Variants in MAST1 observed in about 807,000 individuals in gnomAD.
MAST1 encodes microtubule associated serine/threonine kinase 1.
MAST1 carries 40 observed loss-of-function variants against 124.6 expected under a neutral mutation model. The observed-to-expected ratio is 0.32, with a 90% CI of 0.25 to 0.42. The LOEUF is 0.42. MAST1 is among the 10% of genes least tolerant of loss of function. MAST1 has a pLI of 1.00. For missense variants in MAST1, 1,558 were observed against 2,181.9 expected, an observed-to-expected ratio of 0.71 and a Z score of 5.70; for synonymous variants, 938 against 939.4, an observed-to-expected ratio of 1.00 and a Z score of 0.03.
Position 12,868,665 on chromosome 19 carries a change from C to T in MAST1, c.2589C>T (p.Asp863=), listed in dbSNP as rs912105998. The change falls in exon 21 of 26, where the codon GAC becomes GAT. Residue 863 remains aspartate, a synonymous_variant. Transcript: ENST00000251472. ...SEATDRPRPG[D]LCPPSKDGDA... is the part of the protein sequence containing the mutation. The stretch of plus-strand genomic sequence containing the variant: ...CAGCTGACCGTCCACGCCCAGGTGA[C>T]CTCTGCCCACCCTCGAAGGATGGGG... 1.2e-6 allele frequency: 2 copies of T among 1,603,798 alleles called. No homozygotes were observed. Among genetic ancestry groups the T allele is most frequent in the Non-Finnish European group, 8.5e-7 (1 of 1,173,546 alleles).
At chr19:12,860,779 T>C (rs1970071731) in intron 12 of MAST1, among the ~76,000 whole-genome samples, 1 of 152,044 alleles carries the variant, frequency 6.6e-6, no homozygotes, top group Non-Finnish European at 1.5e-5. Flanking sequence ...CGTGCATGTA[T>C]TCACCCAAAT....
In MAST1 at chr19:12,847,207, C is replaced by T. The variant is rs1418859901; in HGVS notation, c.328-83C>T. 5 of 862,722 alleles carry T rather than the reference C, an allele frequency of 5.8e-6. No individual in the cohort carries two copies. Among genetic ancestry groups the T allele is most frequent in the Non-Finnish European group, 5.6e-6 (3 of 539,946 alleles). The allele number at this position is 862,722 out of a possible 1,614,324, so 53.4% of individuals were successfully genotyped here. A position where few individuals can be genotyped will look rare whatever the true frequency, so the allele number is the denominator to read the frequency against. On this transcript the variant is annotated intron_variant, in intron 4 of 25. Transcript: ENST00000251472. The surrounding 1 kb of genome is among the most constrained non-coding windows in gnomAD (Gnocchi z 5.5). ...TCCTGGCCTTGCCCAGTGACCCCAT[C>T]GGCTTTGGGAGTCCCAGCTCAGGGT...
chr19:12,850,080 G>T (rs1969943027), intron 7 of MAST1, among the ~76,000 whole-genome samples: 1 of 152,020 alleles, frequency 6.6e-6, no homozygotes, highest in African/African-American at 2.4e-5. Context: ...TTACAGGTGT[G>T]AGCCACCATG....
intron 12 of MAST1, among the ~76,000 whole-genome samples, chr19:12,863,158 CAAAAAAAAAAA>C (rs749539925): frequency 2.3e-5 from 1 of 44,120 alleles, no homozygotes; most frequent in African/African-American, 8.2e-5. Flanking sequence ...GACTCTGACT[CAAAAAAAAAAA>C]AAAAAAAAAA....
intron 10 of MAST1, among the ~76,000 whole-genome samples, chr19:12,852,621 C>T (rs1236974404): frequency 1.3e-5 from 2 of 151,678 alleles, no homozygotes; most frequent in Non-Finnish European, 2.9e-5. Context: ...GGCAGATCAC[C>T]TGAGGTCGGG....
At chr19:12,859,042 T>G (rs1599585017) in intron 12 of MAST1, 1 of 466,292 alleles carries the variant, frequency 2.1e-6, no homozygotes, top group Non-Finnish European at 3.8e-6. Context: ...CATACATCCA[T>G]GAACCTGTTT....
rs1599575024 is a variant in MAST1 at position 12,841,049 on chromosome 19, G to T, written c.231G>T (p.Ser77=). 1.3e-6 allele frequency: 2 copies of T among 1,520,982 alleles called. No individual in the cohort carries two copies. Among genetic ancestry groups the T allele is most frequent in the East Asian group, 2.2e-5 (1 of 44,488 alleles). The allele number at this position is 1,520,982 out of a possible 1,614,324, so 94.2% of individuals were successfully genotyped here. A position where few individuals can be genotyped will look rare whatever the true frequency, so the allele number is the denominator to read the frequency against. The change falls in exon 3 of 26, where the codon TCG becomes TCT. Residue 77 remains serine, a synonymous_variant. Transcript: ENST00000251472. The surrounding 1 kb of genome is among the most constrained non-coding windows in gnomAD (Gnocchi z 4.3). ...CCCCCAACACCCCCGCCCACTTCTCGTTTGCCTCCTCCCGAAGGTGAGTCC... is the reference window on the plus strand; with the variant it reads ...CCCCCAACACCCCCGCCCACTTCTCTTTTGCCTCCTCCCGAAGGTGAGTCC... The part of the protein sequence containing the change: ...NFSPNTPAHF[S]FASSRRADGR...
Position 12,865,106 on chromosome 19 carries a change from G to A in MAST1, c.1566G>A (p.Gly522=). 1.9e-6 allele frequency: 3 copies of A among 1,614,080 alleles called. No individual in the cohort carries two copies. The highest frequency in any genetic ancestry group is 1.1e-5 in the South Asian group (1 of 91,084). The change falls in exon 14 of 26, where the codon GGG becomes GGA. Residue 522 remains glycine, a synonymous_variant. Transcript: ENST00000251472. The surrounding 1 kb of genome is among the most constrained non-coding windows in gnomAD (Gnocchi z 7.1). ...CAGATTTCGGCCTCTCCAAGATGGG[G>A]CTCATGAGCCTCACCACCAACTTAT... ...KLTDFGLSKM[G]LMSLTTNLYE... is the part of the protein sequence containing the mutation.
chr19:12,872,922 A>T (rs999171890), intron 24 of MAST1, among the ~76,000 whole-genome samples: 4 of 151,510 alleles, frequency 2.6e-5, no homozygotes, highest in Non-Finnish European at 5.9e-5. Flanking sequence ...AAAAAAAAAA[A>T]TGGTTTTGTT....
chr19:12,864,680 C>T, intron 12 of MAST1, 129 bp from the exon 13 acceptor site: 5 of 1,201,702 alleles, frequency 4.2e-6, no homozygotes, highest in Non-Finnish European at 5.8e-6. Context: ...GGAGGGAGGC[C>T]CCTCTCAGAG....
rs749328524 is a variant in MAST1 at position 12,868,780 on chromosome 19, C to G, written c.2704C>G (p.Pro902Ala). The G allele has an allele frequency of 6.8e-6, 11 of 1,609,532 alleles. No individual in the cohort carries two copies. The highest frequency in any genetic ancestry group is 4.2e-6 in the Non-Finnish European group (5 of 1,177,644). Residue 902 changes from proline (P) to alanine (A), a missense_variant, in exon 21 of 26, where the codon CCT (proline) becomes GCT (alanine). By Grantham distance (27) the Pro-to-Ala change is conservative. Around this residue, in one of 10 missense-constraint regions of MAST1, gnomAD observed 287 missense variants for 308.0 expected, o/e 0.93. Coordinates refer to ENST00000251472, the MANE Select transcript of MAST1 (RefSeq NM_014975.3). ...AGGGGATGTGGCAGTAGAGAAGAGG[C>G]CTTCTCGAACTGGGGGCAAAGTCAT... ...MSGDVAVEKR[P>A]SRTGGKVIKS...
chr19:12,865,567 AC>A lies in MAST1; in HGVS notation c.1804+92del. 6.6e-7 allele frequency: 1 copy of A among 1,513,750 alleles called. No homozygotes were observed. The highest frequency in any genetic ancestry group is 8.9e-7 in the Non-Finnish European group (1 of 1,125,896). The allele number at this position is 1,513,750 out of a possible 1,614,324, so 93.8% of individuals were successfully genotyped here. ...CAGGGTTCCAGGGATTTCAAAAGCG[AC>A]CCCCCAGAGGATCGCTTGCACTCAG... On this transcript the variant is annotated intron_variant, in intron 15 of 25. Coordinates refer to ENST00000251472, the MANE Select transcript of MAST1 (RefSeq NM_014975.3). The surrounding 1 kb of genome is among the most constrained non-coding windows in gnomAD (Gnocchi z 7.1).
At chr19:12,867,390 C>T (rs1970168484) in intron 18 of MAST1, 84 bp from the exon 19 acceptor site, 8 of 1,508,426 alleles carry the variant, frequency 5.3e-6, no homozygotes, top group South Asian at 1.2e-5. Context: ...GTGCGTTTTG[C>T]GGGGGATCCA....
chr19:12,847,749 T>TCCC lies in MAST1; in HGVS notation c.564+64_564+66dup, dbSNP rs562186823. 4,542 of 1,593,502 alleles carry TCCC rather than the reference T, an allele frequency of 2.9e-3. 10 individuals carry two copies. Among genetic ancestry groups the TCCC allele is most frequent in the Non-Finnish European group, 3.0e-3 (3,530 of 1,167,230 alleles). On this transcript the variant is annotated intron_variant, in intron 6 of 25. Transcript: ENST00000251472. This position sits in a 1 kb window ranked among gnomAD's most constrained non-coding sequence, Gnocchi z 5.5. ...GCGGCCTGCACTCTCGCTCGCCTTA[T>TCCC]CCCCGCGCGCCCCCTGGCGGCCTCG... is the stretch of plus-strand genomic sequence containing the variant.
intron 22 of MAST1, 60 bp downstream of exon 22, chr19:12,869,355 TC>T: frequency 7.0e-7 from 1 of 1,426,286 alleles, no homozygotes; most frequent in Non-Finnish European, 9.7e-7. Flanking sequence ...AAAAGGCCCC[TC>T]CAGCTCAAAC....
chr19:12,855,109 C>T (rs1970003688), intron 10 of MAST1, among the ~76,000 whole-genome samples: 1 of 151,878 alleles, frequency 6.6e-6, no homozygotes, highest in Admixed American at 6.6e-5. Flanking sequence ...TGGTGCCCAC[C>T]CGTAATCCCA....
chr19:12,849,303 G>C (rs954570154), intron 7 of MAST1, among the ~76,000 whole-genome samples: 2 of 152,150 alleles, frequency 1.3e-5, no homozygotes, highest in Non-Finnish European at 2.9e-5. Flanking sequence ...GAGATGGGAG[G>C]ATTGCTTGAG....
chr19:12,871,121 C>T lies in MAST1; in HGVS notation c.3212C>T (p.Ala1071Val). The T allele has an allele frequency of 6.2e-7, 1 of 1,613,982 alleles. No homozygotes were observed. Among genetic ancestry groups the T allele is most frequent in the Non-Finnish European group, 8.5e-7 (1 of 1,179,948 alleles). Residue 1071 changes from alanine (A) to valine (V), a missense_variant, in exon 24 of 26, where the codon GCT becomes GTT. By Grantham distance (64) the Ala-to-Val change is moderately conservative. Transcript: ENST00000251472. ...IGPARRSSYK[A>V]KMARRNKRPS... is the part of the protein sequence containing the mutation. ...CCCGCAAGGCGCAGCAGCTACAAGG[C>T]TAAAATGGCTCGGAGGAACAAGCGA...
rs1419339136 is a variant in MAST1, at chr19:12,874,892, C to T, written c.*22C>T. 4 of 1,580,084 alleles carry T rather than the reference C, an allele frequency of 2.5e-6. No homozygotes were observed. The highest frequency in any genetic ancestry group is 2.7e-5 in the African/African-American group (2 of 74,468). ...ATAGCCAAGGGGGTCATCGGCCCCGCGCTGTACAGCCTCCGTATACATATG... is the reference window on the plus strand; with the variant it reads ...ATAGCCAAGGGGGTCATCGGCCCCGTGCTGTACAGCCTCCGTATACATATG... On this transcript the variant is annotated 3_prime_UTR_variant, in exon 26 of 26. Coordinates refer to ENST00000251472, the MANE Select transcript of MAST1 (RefSeq NM_014975.3). The surrounding 1 kb of genome is among the most constrained non-coding windows in gnomAD (Gnocchi z 6.6).
Sources: allele counts gnomAD v4.1 joint callset (sites outside exome capture counted in the v4.1 genomes callset), GRCh38; gene constraint gnomAD v4.1.1; regional missense constraint gnomAD v4.1.1; non-coding constraint Gnocchi (gnomAD v3.1); transcripts MANE v1.5; gene names NCBI Gene and HGNC (gene_info 2026-07-23, HGNC 2026-07-21).